NELL2: variants seen among roughly 807,000 people sequenced by gnomAD.
The protein encoded by NELL2 is protein kinase C-binding protein NELL2.
NELL2 carries 41 observed loss-of-function variants against 109.6 expected under a neutral mutation model. The ratio of observed to expected loss-of-function variants is 0.37; its 90% CI spans 0.29 to 0.49. The LOEUF (loss-of-function observed/expected upper bound fraction) is 0.49, where lower values mean the gene tolerates loss of function less well. Among genes scored for constraint, NELL2 ranks in the 20% least tolerant of loss-of-function variants. The pLI, the probability that NELL2 is intolerant of heterozygous loss-of-function variation, is 0.98. For missense variants in NELL2, 900 were observed against 1,008.3 expected, an observed-to-expected ratio of 0.89 and a Z score of 1.45; for synonymous variants, 355 against 344.7, an observed-to-expected ratio of 1.03 and a Z score of -0.33.
chr12:44,791,185 T>TATATAC (rs1942410177), intron 3 of NELL2, among the ~76,000 whole-genome samples: 1 of 19,794 alleles, frequency 5.1e-5, no homozygotes, highest in African/African-American at 2.3e-4. Context: ...TATTCCATCA[T>TATATAC]ATATATATAT....
intron 3 of NELL2, among the ~76,000 whole-genome samples, chr12:44,783,248 G>T (rs898484286): frequency 6.6e-6 from 1 of 151,446 alleles, no homozygotes; most frequent in Non-Finnish European, 1.5e-5. Flanking sequence ...ACTTGAGAGA[G>T]AAATTTATAG....
rs533325592 is a variant in NELL2, at chr12:44,537,580, A to G, written c.1664-4859T>C. 3.3e-4 allele frequency among the ~76,000 whole-genome samples: 50 copies of G among 152,302 alleles called. 2 individuals are homozygous for G. The South Asian group carries it at 9.9e-3, about 30-fold the overall frequency. On this transcript the variant is annotated intron_variant, in intron 15 of 19. Coordinates refer to ENST00000429094, the MANE Select transcript of NELL2 (RefSeq NM_001145108.2). ...TTAAAAATAGGCACTTGTTCTATCT[A>G]TATCATCATTACATGCACTGTAGTT...
intron 9 of NELL2, among the ~76,000 whole-genome samples, chr12:44,756,459 C>T (rs954532715): frequency 1.3e-5 from 2 of 152,020 alleles, no homozygotes; most frequent in African/African-American, 4.8e-5. Context: ...CTACCCCATG[C>T]ATCCTCCCAT....
intron 13 of NELL2, among the ~76,000 whole-genome samples, chr12:44,644,606 A>ATATATATATATC (rs1566077552): frequency 1.3e-5 from 1 of 76,350 alleles, no homozygotes; most frequent in Non-Finnish European, 2.6e-5. Context: ...ATATATATGT[A>ATATATATATATC]TGTATATATA....
chr12:44,901,658 T>C (rs1391561369), intron 1 of NELL2, among the ~76,000 whole-genome samples: 1 of 152,084 alleles, frequency 6.6e-6, no homozygotes, highest in Non-Finnish European at 1.5e-5. Context: ...CTCAATAAAA[T>C]ACTGGCAAAC....
chr12:44,508,419 T>G lies in NELL2; in HGVS notation c.*515A>C, dbSNP rs1940825860. The G allele has an allele frequency of 6.5e-6, 1 of 152,746 alleles. No individual in the cohort carries two copies. Among genetic ancestry groups the G allele is most frequent in the Non-Finnish European group, 1.5e-5 (1 of 68,140 alleles). The allele number at this position is 152,746 out of a possible 1,614,324, so 9.5% of individuals were successfully genotyped here. A position where few individuals can be genotyped will look rare whatever the true frequency, so the allele number is the denominator to read the frequency against. ...TTAGAAAATATTAAGTAACCATGCC[T>G]GTGCATTATTTTTATCATTACAATA... On this transcript the variant is annotated 3_prime_UTR_variant, in exon 20 of 20. Transcript: ENST00000429094.
chr12:44,914,895 G>A (rs7311341), upstream of NELL2, among the ~76,000 whole-genome samples: 51,747 of 151,576 alleles, frequency 0.34, 9,178 homozygotes, highest in South Asian at 0.58. Context: ...TGTCGCCCAG[G>A]CTGGAGTGCA....
At chr12:44,838,288 A>G (rs1944116683) in intron 2 of NELL2, among the ~76,000 whole-genome samples, 1 of 152,178 alleles carries the variant, frequency 6.6e-6, no homozygotes, top group African/African-American at 2.4e-5. Context: ...GGTGTCTGAA[A>G]TTATGTCAAC....
rs1056367019 is a variant in NELL2 at position 44,618,076 on chromosome 12, A to G, written c.1445-7106T>C. Among the ~76,000 whole-genome samples the G allele has an allele frequency of 8.5e-5, 13 of 152,268 alleles. No individual in the cohort carries two copies. In the East Asian group the frequency reaches 2.3e-3, roughly 27 times the overall value. On this transcript the variant is annotated intron_variant, in intron 13 of 19. Coordinates refer to ENST00000429094, the MANE Select transcript of NELL2 (RefSeq NM_001145108.2). ...TTACCTTATTTACTCACTTTATATT[A>G]TAGAAAAATTTTACTTACTACCATG...
chr12:44,628,575 C>T (rs890908115), intron 13 of NELL2, among the ~76,000 whole-genome samples: 4 of 152,122 alleles, frequency 2.6e-5, no homozygotes, highest in Non-Finnish European at 4.4e-5. Flanking sequence ...ATTTCTCCAC[C>T]CTGTAATGTT....
intron 2 of NELL2, among the ~76,000 whole-genome samples, chr12:44,840,641 A>C (rs916233745): frequency 3.3e-5 from 5 of 152,052 alleles, no homozygotes; most frequent in African/African-American, 1.2e-4. Flanking sequence ...GTCTCAAAAA[A>C]AAAAAAAAGC....
At chr12:44,583,424 A>C (rs1283735921) in intron 15 of NELL2, among the ~76,000 whole-genome samples, 1 of 152,234 alleles carries the variant, frequency 6.6e-6, no homozygotes, top group South Asian at 2.1e-4. Context: ...AGTAAAACTT[A>C]TGAGAGCAGA....
chr12:44,905,553 T>A (rs910225525), intron 1 of NELL2, among the ~76,000 whole-genome samples: 1 of 152,202 alleles, frequency 6.6e-6, no homozygotes, highest in African/African-American at 2.4e-5. Context: ...AACATAAGCA[T>A]GGGAAAATAG....
chr12:44,551,384 C>G (rs1448325884), intron 15 of NELL2, among the ~76,000 whole-genome samples: 1 of 152,120 alleles, frequency 6.6e-6, no homozygotes, highest in Non-Finnish European at 1.5e-5. Context: ...CATGTGCATT[C>G]ACATTTACAT....
chr12:44,608,907 T>A (rs1174926339), intron 14 of NELL2, among the ~76,000 whole-genome samples: 1 of 149,314 alleles, frequency 6.7e-6, no homozygotes, highest in African/African-American at 2.4e-5. Flanking sequence ...TATATATACA[T>A]ATATATATGT....
At chr12:44,781,877 A>T (rs1021883666) in intron 3 of NELL2, among the ~76,000 whole-genome samples, 1 of 152,078 alleles carries the variant, frequency 6.6e-6, no homozygotes, top group South Asian at 2.1e-4. Flanking sequence ...TCATGAGAAG[A>T]CCTATTTTAA....
chr12:44,606,662 TG>T (rs1390704478), intron 15 of NELL2, among the ~76,000 whole-genome samples: 4 of 152,122 alleles, frequency 2.6e-5, no homozygotes, highest in African/African-American at 9.6e-5. Context: ...AAGTTCAGAA[TG>T]GATCTGAATG....
At chr12:44,901,127 G>T (rs553895475) in intron 1 of NELL2, among the ~76,000 whole-genome samples, 36 of 152,172 alleles carry the variant, frequency 2.4e-4, no homozygotes, top group African/African-American at 8.4e-4. Context: ...TTTTTGAAAA[G>T]ATTAACAACA....
At chr12:44,558,710 C>T (rs967317761) in intron 15 of NELL2, among the ~76,000 whole-genome samples, 4 of 152,132 alleles carry the variant, frequency 2.6e-5, no homozygotes, top group African/African-American at 9.7e-5. Context: ...GTGCCTATGA[C>T]ACAAGGGCCC....
Sources: allele counts gnomAD v4.1 joint callset (sites outside exome capture counted in the v4.1 genomes callset), GRCh38; gene constraint gnomAD v4.1.1; transcripts MANE v1.5; gene names NCBI Gene and HGNC (gene_info 2026-07-23, HGNC 2026-07-21).